CNTN1: variants seen among roughly 807,000 people sequenced by gnomAD.
CNTN1 encodes the protein contactin 1.
CNTN1 carries 38 observed loss-of-function variants against 126.4 expected under a neutral mutation model. The ratio of observed to expected loss-of-function variants is 0.30; its 90% CI spans 0.23 to 0.39. The LOEUF (loss-of-function observed/expected upper bound fraction) is 0.39. CNTN1 is among the 10% of genes least tolerant of loss of function. CNTN1 has a pLI of 1.00. For synonymous variants in CNTN1, 413 were observed against 422.6 expected, an observed-to-expected ratio of 0.98 and a Z score of 0.28; for missense variants, 1,009 against 1,248.4, an observed-to-expected ratio of 0.81 and a Z score of 2.89.
intron 16 of CNTN1, among the ~76,000 whole-genome samples, chr12:40,985,348 T>A (rs558726647): frequency 1.3e-5 from 2 of 152,230 alleles, no homozygotes; most frequent in East Asian, 3.9e-4. Flanking sequence ...AAACTCTTTT[T>A]TTATCTGGTA....
chr12:40,818,420 T>C (rs375061617), intron 1 of CNTN1, among the ~76,000 whole-genome samples: 1 of 152,190 alleles, frequency 6.6e-6, no homozygotes, highest in Admixed American at 6.5e-5. Context: ...AGTAAGGTGG[T>C]CTTCAAACTC....
At chr12:40,813,690 A>G (rs929022416) in intron 1 of CNTN1, among the ~76,000 whole-genome samples, 7 of 152,210 alleles carry the variant, frequency 4.6e-5, no homozygotes, top group African/African-American at 1.4e-4. Flanking sequence ...AATCATTTAT[A>G]TTCCTTTGGG....
chr12:40,973,498 A>G (rs1947583504), intron 15 of CNTN1, among the ~76,000 whole-genome samples: 1 of 152,112 alleles, frequency 6.6e-6, no homozygotes. Flanking sequence ...TGTTTCCTTA[A>G]CATTTCAAAG....
chr12:40,699,615 C>T (rs948087292), intron 1 of CNTN1, among the ~76,000 whole-genome samples: 1 of 152,168 alleles, frequency 6.6e-6, no homozygotes, highest in East Asian at 1.9e-4. Context: ...AAGTTAATTT[C>T]ACTTTTCTTT....
chr12:40,700,083 A>G (rs2121105406), intron 1 of CNTN1, among the ~76,000 whole-genome samples: 1 of 152,288 alleles, frequency 6.6e-6, no homozygotes, highest in Admixed American at 6.5e-5. Context: ...AAAGTCTTAT[A>G]TTTAGTTACT....
Position 40,949,693 on chromosome 12 carries a change from G to A in CNTN1, c.1683+5523G>A, listed in dbSNP as rs529289354. Among the ~76,000 whole-genome samples the A allele has an allele frequency of 4.2e-5, 6 of 143,312 alleles. No homozygotes were observed. In the South Asian group the frequency reaches 1.2e-3, roughly 28 times the overall value. 94.0% of individuals were successfully genotyped at this position (143,312 alleles called of 152,430 possible). ...AGGTTCAAGTAATTCTCTGGCCTCA[G>A]CCTCCCAAGTAGCTGGGATTGCAGG... On this transcript the variant is annotated intron_variant, in intron 14 of 23. Coordinates refer to ENST00000551295, the MANE Select transcript of CNTN1 (RefSeq NM_001843.4).
At chr12:40,787,244 C>T (rs1478464735) in intron 1 of CNTN1, among the ~76,000 whole-genome samples, 3 of 152,028 alleles carry the variant, frequency 2.0e-5, no homozygotes, top group Non-Finnish European at 4.4e-5. Flanking sequence ...TCGAACAATT[C>T]CATGGTCTCT....
chr12:41,016,789 T>C lies in CNTN1; in HGVS notation c.2292T>C (p.Thr764=). The C allele has an allele frequency of 6.2e-7, 1 of 1,614,152 alleles. No homozygotes were observed. Among genetic ancestry groups the C allele is most frequent in the Middle Eastern group, 1.6e-4 (1 of 6,062 alleles). The change falls in exon 19 of 24, where the codon ACT becomes ACC. Residue 764 remains threonine (T), a synonymous_variant. Transcript: ENST00000551295. ...WKKVTVTNPD[T]GRYVHKDETM... The stretch of plus-strand genomic sequence containing the variant: ...AAGTCACAGTTACTAATCCTGATAC[T>C]GGCCGATATGTCCATAAAGATGAAA...
chr12:40,848,842 T>C (rs1231196884), intron 1 of CNTN1, among the ~76,000 whole-genome samples: 4 of 143,390 alleles, frequency 2.8e-5, no homozygotes, highest in Non-Finnish European at 4.6e-5. Flanking sequence ...TTTTTTTTTT[T>C]CCAGTAACAG....
At chr12:40,831,920 G>A (rs1006003748) in intron 1 of CNTN1, among the ~76,000 whole-genome samples, 1 of 152,176 alleles carries the variant, frequency 6.6e-6, no homozygotes, top group South Asian at 2.1e-4. Flanking sequence ...TGTCATAGGA[G>A]AAATGAGGAA....
At chr12:40,699,459 C>T (rs1941540897) in intron 1 of CNTN1, among the ~76,000 whole-genome samples, 1 of 151,560 alleles carries the variant, frequency 6.6e-6, no homozygotes, top group Non-Finnish European at 1.5e-5. Context: ...GAAAAGCATG[C>T]CTAGGACAGC....
At chr12:40,753,502 A>G (rs2136401917) in intron 1 of CNTN1, among the ~76,000 whole-genome samples, 1 of 152,222 alleles carries the variant, frequency 6.6e-6, no homozygotes, top group East Asian at 1.9e-4. Context: ...CGGAAGGGGA[A>G]GCAAACACGT....
At chr12:40,971,223 A>G (rs1947498358) in intron 15 of CNTN1, among the ~76,000 whole-genome samples, 1 of 152,160 alleles carries the variant, frequency 6.6e-6, no homozygotes, top group African/African-American at 2.4e-5. Context: ...GTCACTGTGT[A>G]TGAGGGAAAG....
At chr12:40,846,383 G>A (rs1224219689) in intron 1 of CNTN1, among the ~76,000 whole-genome samples, 5 of 152,182 alleles carry the variant, frequency 3.3e-5, no homozygotes, top group African/African-American at 1.2e-4. Flanking sequence ...CAGGAGAATG[G>A]CGTGAATCCC....
rs963509811 is a variant in CNTN1 at position 40,833,515 on chromosome 12, A to G, written c.-76-74842A>G. 2.6e-5 allele frequency among the ~76,000 whole-genome samples: 4 copies of G among 152,308 alleles called. No homozygotes were observed. The South Asian group carries it at 6.2e-4, about 24-fold the overall frequency. On this transcript the variant is annotated intron_variant, in intron 1 of 23. Transcript: ENST00000551295. The stretch of plus-strand genomic sequence containing the variant: ...TTTCTAAATTTTAATACAAACTAAC[A>G]TAAATAGAAATATTATATTCCCAGG...
chr12:40,948,152 G>C (rs1191483108), intron 14 of CNTN1, among the ~76,000 whole-genome samples: 1 of 151,776 alleles, frequency 6.6e-6, no homozygotes, highest in Admixed American at 6.6e-5. Context: ...GAGAGTATTG[G>C]GGACACGAAT....
At chr12:40,963,028 T>C (rs1389599207) in intron 15 of CNTN1, among the ~76,000 whole-genome samples, 1 of 152,110 alleles carries the variant, frequency 6.6e-6, no homozygotes, top group Non-Finnish European at 1.5e-5. Flanking sequence ...GTCACAACCC[T>C]GGCAAAAGCA....
At chr12:40,751,065 TG>T (rs1565684661) in intron 1 of CNTN1, among the ~76,000 whole-genome samples, 5 of 151,870 alleles carry the variant, frequency 3.3e-5, no homozygotes, top group Non-Finnish European at 2.9e-5. Context: ...CAAACAGCAA[TG>T]GCAATGACAA....
Position 40,820,202 on chromosome 12 carries a change from A to G in CNTN1, c.-76-88155A>G, listed in dbSNP as rs368760227. On this transcript the variant is annotated intron_variant, in intron 1 of 23. Transcript: ENST00000551295. ...GAAAGAGAGAGGGTGAGGAAGTACC[A>G]GGCTCTTTTTAACAACCAGCTCTTG... is the stretch of plus-strand genomic sequence containing the variant. Among the ~76,000 whole-genome samples the G allele has an allele frequency of 1.2e-4, 19 of 152,304 alleles. No individual in the cohort carries two copies. In the East Asian group the frequency reaches 2.5e-3, roughly 20 times the overall value.
Sources: gnomAD v4.1 joint callset for allele counts (sites outside exome capture counted in the v4.1 genomes callset) on GRCh38, gnomAD v4.1.1 for gene constraint, MANE v1.5 for transcripts, NCBI Gene and HGNC (gene_info 2026-07-23, HGNC 2026-07-21) for gene names.